CNTNAP2: variants seen among roughly 807,000 people sequenced by gnomAD.
The protein encoded by CNTNAP2 is contactin-associated protein-like 2.
CNTNAP2 carries 98 observed loss-of-function variants against 155.2 expected under a neutral mutation model. The observed-to-expected ratio is 0.63, with a 90% CI of 0.54 to 0.75. CNTNAP2 has a LOEUF of 0.75. Among genes scored for constraint, CNTNAP2 ranks in the 30% least tolerant of loss-of-function variants. The pLI is 0.00. For synonymous variants in CNTNAP2, 651 were observed against 631.2 expected (o/e 1.03, Z -0.47); for missense variants, 1,727 against 1,688.1 (o/e 1.02, Z -0.40).
At chr7:148,404,870 A>G (rs1367286545) in intron 22 of CNTNAP2, among the ~76,000 whole-genome samples, 3 of 152,190 alleles carry the variant, frequency 2.0e-5, no homozygotes, top group Non-Finnish European at 2.9e-5. Context: ...CCAACTGTCC[A>G]GTTACCTCTT....
chr7:146,676,537 T>C (rs1231241320), intron 1 of CNTNAP2, among the ~76,000 whole-genome samples: 1 of 152,080 alleles, frequency 6.6e-6, no homozygotes, highest in East Asian at 1.9e-4. Context: ...ATGTGGAGGT[T>C]TGGGGTACAG....
intron 11 of CNTNAP2, among the ~76,000 whole-genome samples, chr7:147,554,544 A>G (rs914882810): frequency 1.4e-5 from 2 of 144,474 alleles, no homozygotes; most frequent in South Asian, 2.2e-4. Flanking sequence ...TTATCAAGTA[A>G]AAGAACTACA....
At chr7:148,235,685 ATTT>A (rs398006723) in intron 20 of CNTNAP2, among the ~76,000 whole-genome samples, 4 of 121,988 alleles carry the variant, frequency 3.3e-5, no homozygotes, top group African/African-American at 1.3e-4. Flanking sequence ...TGCAGCAATT[ATTT>A]TTTTTTTTTT....
chr7:148,086,432 A>ATGTC (rs1427162394), intron 15 of CNTNAP2, among the ~76,000 whole-genome samples: 2 of 152,214 alleles, frequency 1.3e-5, no homozygotes, highest in Non-Finnish European at 2.9e-5. Context: ...ATTGATCACA[A>ATGTC]TGTCTCTAAG....
At chr7:147,548,323 T>C (rs1020084973) in intron 11 of CNTNAP2, among the ~76,000 whole-genome samples, 7 of 152,198 alleles carry the variant, frequency 4.6e-5, no homozygotes, top group African/African-American at 1.7e-4. Flanking sequence ...TGGTGTCTCA[T>C]TGTGGTTTAG....
At chr7:147,680,524 A>G (rs1322986072) in intron 13 of CNTNAP2, among the ~76,000 whole-genome samples, 2 of 151,852 alleles carry the variant, frequency 1.3e-5, no homozygotes, top group Non-Finnish European at 2.9e-5. Context: ...TGTTTCTGAG[A>G]TGTGGGGACT....
intron 13 of CNTNAP2, chr7:147,894,204 G>A (rs1234757633): frequency 6.6e-6 from 1 of 152,188 alleles, no homozygotes; most frequent in East Asian, 1.9e-4. Context: ...ACCAATTAAG[G>A]ATGCCTATAC....
intron 1 of CNTNAP2, among the ~76,000 whole-genome samples, chr7:146,556,502 C>T (rs1276230119): frequency 6.6e-6 from 1 of 152,064 alleles, no homozygotes; most frequent in East Asian, 1.9e-4. Flanking sequence ...CTGTTAATTC[C>T]CCTTCTTCTC....
intron 8 of CNTNAP2, among the ~76,000 whole-genome samples, chr7:147,140,749 A>G (rs1801575863): frequency 6.6e-6 from 1 of 152,118 alleles, no homozygotes; most frequent in South Asian, 2.1e-4. Context: ...AGATCCTAGG[A>G]TCGAGAGACC....
intron 1 of CNTNAP2, among the ~76,000 whole-genome samples, chr7:146,431,582 G>A (rs1385624731): frequency 6.6e-6 from 1 of 152,008 alleles, no homozygotes; most frequent in Non-Finnish European, 1.5e-5. Context: ...TATGCTTTAT[G>A]TGAATCAATA....
chr7:147,670,116 G>A (rs1203589374), intron 13 of CNTNAP2, among the ~76,000 whole-genome samples: 3 of 152,206 alleles, frequency 2.0e-5, no homozygotes, highest in African/African-American at 7.2e-5. Context: ...AAATATGTGG[G>A]GTAATGTGTT....
intron 13 of CNTNAP2, among the ~76,000 whole-genome samples, chr7:147,874,824 C>T (rs756840327): frequency 5.3e-5 from 8 of 152,102 alleles, no homozygotes; most frequent in African/African-American, 1.4e-4. Flanking sequence ...CTTAGAAATT[C>T]GTTCTGCCAG....
chr7:147,713,479 T>C (rs1413383518), intron 13 of CNTNAP2, among the ~76,000 whole-genome samples: 1 of 152,180 alleles, frequency 6.6e-6, no homozygotes, highest in Non-Finnish European at 1.5e-5. Context: ...GTATCAGTAG[T>C]ACATTCCTTT....
chr7:148,332,522 G>A (rs904101276), intron 21 of CNTNAP2, among the ~76,000 whole-genome samples: 24 of 152,168 alleles, frequency 1.6e-4, no homozygotes, highest in African/African-American at 5.5e-4. Context: ...GACCCAGAGC[G>A]TGGCCCTTCT....
intron 1 of CNTNAP2, among the ~76,000 whole-genome samples, chr7:146,661,565 A>G (rs369676485): frequency 5.0e-4 from 34 of 67,450 alleles, no homozygotes; most frequent in African/African-American, 1.4e-3. Context: ...TTCATTTAAT[A>G]TGATGCTCTT....
chr7:146,492,693 GT>G (rs1321796722), intron 1 of CNTNAP2, among the ~76,000 whole-genome samples: 2 of 152,070 alleles, frequency 1.3e-5, no homozygotes, highest in African/African-American at 2.4e-5. Flanking sequence ...TGCTTTATCT[GT>G]TTTTAAATAA....
intron 4 of CNTNAP2, among the ~76,000 whole-genome samples, chr7:147,067,634 C>T (rs1799807386): frequency 6.6e-6 from 1 of 152,172 alleles, no homozygotes; most frequent in African/African-American, 2.4e-5. Context: ...CCCTAGAATA[C>T]AAATCTTGAA....
At chr7:147,692,521 G>A (rs1796102534) in intron 13 of CNTNAP2, among the ~76,000 whole-genome samples, 1 of 152,088 alleles carries the variant, frequency 6.6e-6, no homozygotes, top group Non-Finnish European at 1.5e-5. Flanking sequence ...AGCATTTCGT[G>A]TTGTCAGTGT....
At position 148,418,449 on chromosome 7, in the gene CNTNAP2, A is replaced by G. The variant is rs1247879387; in HGVS notation, c.*2833A>G. The G allele has an allele frequency of 6.6e-6, 1 of 152,184 alleles. No individual in the cohort carries two copies. The highest frequency in any genetic ancestry group is 1.5e-5 in the Non-Finnish European group (1 of 68,038). 9.4% of individuals were successfully genotyped at this position (152,184 alleles called of 1,614,324 possible). A position where few individuals can be genotyped will look rare whatever the true frequency, so the allele number is the denominator to read the frequency against. On this transcript the variant is annotated 3_prime_UTR_variant, in exon 24 of 24. Coordinates refer to ENST00000361727, the MANE Select transcript of CNTNAP2 (RefSeq NM_014141.6). ...AATATGTATAGACAACAACAACGAC[A>G]AAAAATAGACTGTTTTAAAGTTTCA...
Sources: allele counts gnomAD v4.1 joint callset (sites outside exome capture counted in the v4.1 genomes callset), GRCh38; gene constraint gnomAD v4.1.1; transcripts MANE v1.5; gene names NCBI Gene and HGNC (gene_info 2026-07-23, HGNC 2026-07-21).